The following CSRNP3 variants were observed in gnomAD, a reference collection of about 807,000 sequenced individuals.
CSRNP3 encodes the protein cysteine and serine rich nuclear protein 3.
CSRNP3 carries 12 observed loss-of-function variants against 48.0 expected under a neutral mutation model. The observed-to-expected ratio is 0.25, with a 90% CI of 0.16 to 0.41. The LOEUF (loss-of-function observed/expected upper bound fraction) is 0.41, where lower values mean the gene tolerates loss of function less well. CSRNP3 is among the 10% of genes least tolerant of loss of function. The probability of loss-of-function intolerance (pLI) is 1.00; values close to 1 mark genes in which losing one functional copy is unlikely to be tolerated. For missense variants in CSRNP3, 580 were observed against 724.4 expected (o/e 0.80, Z 2.29); for synonymous variants, 263 against 269.7 (o/e 0.98, Z 0.24).
At chr2:165,624,651 C>A (rs755711337) in intron 4 of CSRNP3, among the ~76,000 whole-genome samples, 4 of 152,152 alleles carry the variant, frequency 2.6e-5, no homozygotes, top group African/African-American at 9.7e-5. Flanking sequence ...AACTAAGAAG[C>A]CTTCTTTTCA....
At chr2:165,498,489 T>A (rs749054077) in intron 2 of CSRNP3, among the ~76,000 whole-genome samples, 4 of 152,142 alleles carry the variant, frequency 2.6e-5, no homozygotes, top group Non-Finnish European at 4.4e-5. Flanking sequence ...TTGACTCACT[T>A]AGTCGCAGCT....
At chr2:165,528,469 C>A (rs936347816) in intron 3 of CSRNP3, among the ~76,000 whole-genome samples, 1 of 152,154 alleles carries the variant, frequency 6.6e-6, no homozygotes, top group African/African-American at 2.4e-5. Flanking sequence ...AGGTTTAAGA[C>A]TTTAATCCAT....
At chr2:165,566,140 A>G (rs1685294038) in intron 3 of CSRNP3, among the ~76,000 whole-genome samples, 1 of 151,988 alleles carries the variant, frequency 6.6e-6, no homozygotes, top group Admixed American at 6.6e-5. Flanking sequence ...AATACCTTGT[A>G]TGACTACAGA....
chr2:165,647,743 A>C (rs570616039), intron 4 of CSRNP3, among the ~76,000 whole-genome samples: 1 of 152,216 alleles, frequency 6.6e-6, no homozygotes, highest in Non-Finnish European at 1.5e-5. Context: ...TACAGTATTC[A>C]GTAAATTACA....
intron 1 of CSRNP3, among the ~76,000 whole-genome samples, chr2:165,483,046 A>G (rs545400078): frequency 4.0e-5 from 3 of 75,568 alleles, no homozygotes; most frequent in Admixed American, 2.8e-4. Context: ...GTGTGTATGT[A>G]TATATATATG....
intron 2 of CSRNP3, among the ~76,000 whole-genome samples, chr2:165,497,771 G>C (rs1383437156): frequency 2.0e-5 from 3 of 151,910 alleles, no homozygotes; most frequent in African/African-American, 7.2e-5. Context: ...TGGTGGCAGA[G>C]GACTTTAATG....
At chr2:165,527,407 A>G (rs1318138018) in intron 3 of CSRNP3, among the ~76,000 whole-genome samples, 2 of 151,722 alleles carry the variant, frequency 1.3e-5, no homozygotes, top group African/African-American at 2.4e-5. Flanking sequence ...GCGTTTCACC[A>G]TGTTAGCCAG....
At chr2:165,478,691 A>G (rs1260689112) in intron 1 of CSRNP3, among the ~76,000 whole-genome samples, 1 of 152,250 alleles carries the variant, frequency 6.6e-6, no homozygotes, top group Non-Finnish European at 1.5e-5. Flanking sequence ...ACCTATGCCA[A>G]GTTTTATATA....
intron 3 of CSRNP3, among the ~76,000 whole-genome samples, chr2:165,563,560 T>G (rs2105268719): frequency 6.6e-6 from 1 of 152,288 alleles, no homozygotes; most frequent in Non-Finnish European, 1.5e-5. Context: ...TAAATTTAAT[T>G]TGGCTGAAGT....
intron 3 of CSRNP3, among the ~76,000 whole-genome samples, chr2:165,576,384 A>G (rs904897499): frequency 1.3e-5 from 2 of 152,172 alleles, no homozygotes; most frequent in East Asian, 3.9e-4. Flanking sequence ...GAAAAGAACC[A>G]AGTTTAACAT....
intron 3 of CSRNP3, among the ~76,000 whole-genome samples, chr2:165,580,433 A>G (rs531293685): frequency 9.5e-4 from 145 of 152,282 alleles, no homozygotes; most frequent in African/African-American, 3.2e-3. Flanking sequence ...AATAGTAAAA[A>G]TCTATATTGT....
rs1433497546 is a variant in CSRNP3 at position 165,517,871 on chromosome 2, A to G, written c.-112-2A>G. 6.6e-6 allele frequency: 1 copy of G among 152,356 alleles called. No homozygotes were observed. Among genetic ancestry groups the G allele is most frequent in the Admixed American group, 6.6e-5 (1 of 15,252 alleles). The allele number at this position is 152,356 out of a possible 1,614,324, so 9.4% of individuals were successfully genotyped here. ...ATTCTGAAACGTATTTTCTTTTTTA[A>G]GGAAAAAATGAGGAAATATCAACAG... On this transcript the variant is annotated splice_acceptor_variant, in intron 2 of 6. Transcript: ENST00000651982. LOFTEE classifies it low-confidence loss of function (5UTR_SPLICE).
rs1393958772 is a variant in CSRNP3 at position 165,653,964 on chromosome 2, C to G, written c.149-3797C>G. ...TCCAGTCTGGGCAACAAGAGCGAAGCTCTATCACAAAAAAAAAAAAAAAAA... is the reference window on the plus strand; with the variant it reads ...TCCAGTCTGGGCAACAAGAGCGAAGGTCTATCACAAAAAAAAAAAAAAAAA... On this transcript the variant is annotated intron_variant, in intron 4 of 6. Transcript: ENST00000651982. 4.1e-5 allele frequency among the ~76,000 whole-genome samples: 3 copies of G among 72,842 alleles called. No homozygotes were observed. In the South Asian group the frequency reaches 1.5e-3, roughly 36 times the overall value. The allele number at this position is 72,842 out of a possible 152,430, so 47.8% of individuals were successfully genotyped here.
At position 165,565,538 on chromosome 2, in the gene CSRNP3, A is replaced by G. The variant is rs192328082; in HGVS notation, c.-23-29505A>G. On this transcript the variant is annotated intron_variant, in intron 3 of 6. Coordinates refer to ENST00000651982, the MANE Select transcript of CSRNP3 (RefSeq NM_001172173.2). ...ATAATTCCCTTCCTTCCATAAATAAAAAACAGAGCCAAATATGTTTGGATC... is the reference window on the plus strand; with the variant it reads ...ATAATTCCCTTCCTTCCATAAATAAGAAACAGAGCCAAATATGTTTGGATC... Among the ~76,000 whole-genome samples the G allele has an allele frequency of 3.0e-3, 463 of 152,184 alleles. 6 individuals carry two copies. Among genetic ancestry groups the G allele is most frequent in the Admixed American group, 7.2e-3 (110 of 15,264 alleles).
At chr2:165,643,314 G>A (rs1042313140) in intron 4 of CSRNP3, among the ~76,000 whole-genome samples, 3 of 152,182 alleles carry the variant, frequency 2.0e-5, no homozygotes, top group East Asian at 1.9e-4. Flanking sequence ...TGTGTTTGTA[G>A]CAAGCAAGCT....
chr2:165,620,245 T>A (rs183495712), intron 4 of CSRNP3, among the ~76,000 whole-genome samples: 1 of 152,212 alleles, frequency 6.6e-6, no homozygotes, highest in African/African-American at 2.4e-5. Flanking sequence ...AATCTAATAA[T>A]CTGCTGTGCA....
At chr2:165,599,326 A>G (rs896419865) in intron 4 of CSRNP3, among the ~76,000 whole-genome samples, 5 of 150,960 alleles carry the variant, frequency 3.3e-5, no homozygotes. Flanking sequence ...AGAAAGAAAG[A>G]AAGGAAAAGA....
chr2:165,610,647 T>A (rs1054411452), intron 4 of CSRNP3, among the ~76,000 whole-genome samples: 1 of 152,164 alleles, frequency 6.6e-6, no homozygotes, highest in Non-Finnish European at 1.5e-5. Flanking sequence ...GCTGACGCTG[T>A]CATGACTGAA....
intron 3 of CSRNP3, among the ~76,000 whole-genome samples, chr2:165,578,139 A>G (rs908683866): frequency 3.3e-5 from 5 of 152,014 alleles, no homozygotes; most frequent in African/African-American, 9.7e-5. Context: ...TTTTGGTTGC[A>G]TTTGACTAAT....
Sources: gnomAD v4.1 joint callset for allele counts (sites outside exome capture counted in the v4.1 genomes callset) on GRCh38, gnomAD v4.1.1 for gene constraint, MANE v1.5 for transcripts, NCBI Gene and HGNC (gene_info 2026-07-23, HGNC 2026-07-21) for gene names.